The following TICRR variants were observed in gnomAD, a reference collection of about 807,000 sequenced individuals.
TICRR encodes TOPBP1 interacting checkpoint and replication regulator, also known as treslin.
Under a neutral mutation model 178.1 loss-of-function variants are expected in TICRR, and 132 were observed. The ratio of observed to expected loss-of-function variants is 0.74; its 90% CI spans 0.64 to 0.86. TICRR has a LOEUF of 0.86. Ranked by LOEUF, TICRR falls within the 40% of genes least tolerant of loss-of-function variation. The probability of loss-of-function intolerance (pLI) is 0.00; values close to 1 mark genes in which losing one functional copy is unlikely to be tolerated. For missense variants in TICRR, 2,587 were observed against 2,334.3 expected (o/e 1.11, Z -2.23); for synonymous variants, 991 against 900.7 (o/e 1.10, Z -1.79).
chr15:89,623,198 G>A (rs764558148), intron 19 of TICRR, among the ~76,000 whole-genome samples: 2 of 152,210 alleles, frequency 1.3e-5, no homozygotes, highest in Non-Finnish European at 2.9e-5. Flanking sequence ...CTGGCACATA[G>A]CAGGTGATCA....
chr15:89,601,181 C>G (rs1269264540), intron 9 of TICRR, 117 bp from the exon 10 acceptor site: 2 of 752,556 alleles, frequency 2.7e-6, no homozygotes, highest in East Asian at 5.5e-5. Flanking sequence ...AGAAAAGGCA[C>G]TGGCTCTCCT....
chr15:89,619,649 T>G, intron 17 of TICRR, 59 bp from the exon 18 acceptor site: 31 of 1,549,602 alleles, frequency 2.0e-5, no homozygotes, highest in Non-Finnish European at 2.7e-5. Flanking sequence ...TTGGACAACA[T>G]GAGAAAATGT....
In TICRR at chr15:89,625,639, C is replaced by T; in HGVS notation, c.5329C>T (p.Leu1777=). 2 of 1,613,512 alleles carry T rather than the reference C, an allele frequency of 1.2e-6. No individual in the cohort carries two copies. The highest frequency in any genetic ancestry group is 1.7e-6 in the Non-Finnish European group (2 of 1,180,014). The change falls in exon 20 of 22, where the codon CTG becomes TTG. Residue 1777 remains leucine, a synonymous_variant. Transcript: ENST00000268138. ...TGGGTTGAGTTCCAGGAAGAGAGTCCTGTTGGCCAAGGAAGAAGCTGACCG... is the reference window on the plus strand; with the variant it reads ...TGGGTTGAGTTCCAGGAAGAGAGTCTTGTTGGCCAAGGAAGAAGCTGACCG... The part of the protein sequence containing the change: ...QFGLSSRKRV[L]LAKEEADRGA...
At chr15:89,591,249 G>A (rs1238363696) in intron 4 of TICRR, among the ~76,000 whole-genome samples, 1 of 152,028 alleles carries the variant, frequency 6.6e-6, no homozygotes, top group Non-Finnish European at 1.5e-5. Flanking sequence ...TGAACCTCCC[G>A]AATAGCTAGG....
intron 15 of TICRR, among the ~76,000 whole-genome samples, chr15:89,611,821 T>C (rs1963260510): frequency 6.6e-6 from 1 of 152,198 alleles, no homozygotes; most frequent in African/African-American, 2.4e-5. Flanking sequence ...TTTTTTATCA[T>C]TTCTATTGCT....
At position 89,624,638 on chromosome 15, in the gene TICRR, C is replaced by G. The variant is rs1963482796; in HGVS notation, c.4328C>G (p.Pro1443Arg). ...CCTGAAAGACGGGGCTACCCAGGCC[C>G]TGGTCTCAGGAGTGATTGGCATGCA... ...SPPERRGYPGPGLRSDWHASS... is the reference protein window; with the variant it reads ...SPPERRGYPGRGLRSDWHASS... Residue 1443 changes from proline to arginine, a missense_variant, in exon 20 of 22, where the codon CCT becomes CGT. By Grantham distance (103) the Pro-to-Arg change is moderately radical. Coordinates refer to ENST00000268138, the MANE Select transcript of TICRR (RefSeq NM_152259.4). 1.2e-6 allele frequency: 2 copies of G among 1,613,974 alleles called. No individual in the cohort carries two copies. Among genetic ancestry groups the G allele is most frequent in the Admixed American group, 3.3e-5 (2 of 60,008 alleles).
chr15:89,606,919 A>T, intron 14 of TICRR, 94 bp downstream of exon 14: 1 of 1,033,556 alleles, frequency 9.7e-7, no homozygotes, highest in Non-Finnish European at 1.5e-6. Context: ...GGTGTAAATT[A>T]AGGCTTTGTA....
In TICRR at chr15:89,624,225, T is replaced by C. The variant is rs1380472821; in HGVS notation, c.3915T>C (p.Pro1305=). Residue 1305 remains proline, a synonymous_variant, in exon 20 of 22, where the codon CCT becomes CCC. Transcript: ENST00000268138. ...ATTCAACTGTGACTTCTTCCCCACC[T>C]GTTACGCCAAAGAAACTGTTTACCT... ...PGNSTVTSSP[P]VTPKKLFTSP... The C allele has an allele frequency of 6.2e-7, 1 of 1,614,194 alleles. No individual in the cohort carries two copies. Among genetic ancestry groups the C allele is most frequent in the Admixed American group, 1.7e-5 (1 of 60,026 alleles).
Position 89,606,784 on chromosome 15 carries a change from C to T in TICRR, c.2681C>T (p.Ala894Val), listed in dbSNP as rs1279731707. The change falls in exon 14 of 22, where the codon GCT (alanine) becomes GTT (valine). Residue 894 changes from alanine (A) to valine (V), a missense_variant. Ala to Val is a moderately conservative substitution (Grantham distance 64). Transcript: ENST00000268138. ...ATGTTTCAGGAGAACTCTCACCCTG[C>T]TCCTCAGCAGCCTTCCCAGCCAGTG... The part of the protein sequence containing the change: ...RATKKENSHP[A>V]PQQPSQPVKD... 1 of 1,613,836 alleles carries T rather than the reference C, an allele frequency of 6.2e-7. No homozygotes were observed. Among genetic ancestry groups the T allele is most frequent in the Non-Finnish European group, 8.5e-7 (1 of 1,179,808 alleles).
Position 89,583,022 on chromosome 15 carries a change from C to A in TICRR, c.934+57C>A, listed in dbSNP as rs917316870. On this transcript the variant is annotated intron_variant, in intron 2 of 21. Transcript: ENST00000268138. ...TTTTAAATCTCAGTTACATTAATTT[C>A]TTCAAAGAAGCTTTTAACTTCTTTG... The A allele has an allele frequency of 1.1e-5, 17 of 1,495,608 alleles. No homozygotes were observed. In the African/African-American group the frequency reaches 2.4e-4, roughly 21 times the overall value. The allele number at this position is 1,495,608 out of a possible 1,614,324, so 92.6% of individuals were successfully genotyped here.
chr15:89,625,794 C>A lies in TICRR; in HGVS notation c.5476+8C>A, dbSNP rs201836679. The A allele has an allele frequency of 6.3e-6, 10 of 1,588,242 alleles. No homozygotes were observed. The Admixed American group carries it at 1.6e-4, about 25-fold the overall frequency. ...AAGAGGTGTTTGTTTCCGGTGAGTT[C>A]GTTTTTGAAACCCAGTTTCCTCATG... On this transcript the variant is annotated splice_region_variant and intron_variant, in intron 20 of 21. Transcript: ENST00000268138.
At chr15:89,596,779 C>T (rs1437918252) in intron 7 of TICRR, among the ~76,000 whole-genome samples, 3 of 152,148 alleles carry the variant, frequency 2.0e-5, no homozygotes, top group Non-Finnish European at 2.9e-5. Flanking sequence ...TATTACTTCA[C>T]GTGTTGGACC....
intron 19 of TICRR, among the ~76,000 whole-genome samples, chr15:89,622,056 A>G (rs1410970839): frequency 2.2e-5 from 3 of 135,266 alleles, no homozygotes; most frequent in Admixed American, 1.7e-4. Context: ...GCACGATCTC[A>G]GCTCACTGCA....
chr15:89,599,498 G>C (rs1453793685), intron 8 of TICRR, 23 bp downstream of exon 8: 2 of 1,603,148 alleles, frequency 1.2e-6, no homozygotes, highest in African/African-American at 1.3e-5. Flanking sequence ...AGATATTGTT[G>C]TTTGTCATGG....
At chr15:89,581,144 C>G in intron 1 of TICRR, among the ~76,000 whole-genome samples, 1 of 152,164 alleles carries the variant, frequency 6.6e-6, no homozygotes, top group East Asian at 1.9e-4. Context: ...TGTCTTTGAA[C>G]TTGACTACAA....
rs1382518212 is a variant in TICRR, at chr15:89,625,083, G to A, written c.4773G>A (p.Lys1591=). The part of the protein sequence containing the change: ...SSSLEAEPLS[K]EESSLGEESF... ...CATTAGAGGCTGAGCCCCTCAGCAAGGAGGAGAGCTCTCTGGGAGAAGAGA... is the reference window on the plus strand; with the variant it reads ...CATTAGAGGCTGAGCCCCTCAGCAAAGAGGAGAGCTCTCTGGGAGAAGAGA... Residue 1591 remains lysine, a synonymous_variant, in exon 20 of 22, where the codon AAG becomes AAA. Transcript: ENST00000268138. 8.7e-6 allele frequency: 14 copies of A among 1,613,934 alleles called. No individual in the cohort carries two copies. In the South Asian group the frequency reaches 1.4e-4, roughly 16 times the overall value.
chr15:89,579,152 A>G (rs984603390), intron 1 of TICRR, among the ~76,000 whole-genome samples: 2 of 152,154 alleles, frequency 1.3e-5, no homozygotes, highest in East Asian at 1.9e-4. Context: ...TATTCAATAC[A>G]TATTTGTTCC....
Position 89,602,815 on chromosome 15 carries a change from CAT to C in TICRR, c.2589_2590del (p.His863GlnfsTer5). The C allele has an allele frequency of 6.6e-7, 1 of 1,507,098 alleles. No homozygotes were observed. The highest frequency in any genetic ancestry group is 8.9e-7 in the Non-Finnish European group (1 of 1,126,796). The allele number at this position is 1,507,098 out of a possible 1,614,324, so 93.4% of individuals were successfully genotyped here. ...TAAAAGGAAAAATGCATTAATAAGACATAAAAGCATTGCTGAGGTTTCACAGA... is the reference window on the plus strand; with the variant it reads ...TAAAAGGAAAAATGCATTAATAAGACAAAAGCATTGCTGAGGTTTCACAGA... ...KKRRKNALIR[H>X]KSIAEVSQNL... On this transcript the variant is annotated frameshift_variant, in exon 13 of 22. Coordinates refer to ENST00000268138, the MANE Select transcript of TICRR (RefSeq NM_152259.4). LOFTEE classifies it high-confidence loss of function.
intron 15 of TICRR, 60 bp downstream of exon 15, chr15:89,609,009 A>G: frequency 1.4e-6 from 2 of 1,450,130 alleles, no homozygotes; most frequent in South Asian, 1.4e-5. Flanking sequence ...ATTAGTAGTA[A>G]TGTACCGTCT....
Sources: allele counts gnomAD v4.1 joint callset (sites outside exome capture counted in the v4.1 genomes callset), GRCh38; gene constraint gnomAD v4.1.1; transcripts MANE v1.5; gene names NCBI Gene and HGNC (gene_info 2026-07-23, HGNC 2026-07-21).